The following UBE3D variants were observed in gnomAD, a reference collection of about 807,000 sequenced individuals.
The protein encoded by UBE3D is E3 ubiquitin-protein ligase E3D.
Under a neutral mutation model 49.6 loss-of-function variants are expected in UBE3D, and 48 were observed. That is an observed-to-expected ratio of 0.97 (90% CI 0.77 to 1.23). UBE3D has a LOEUF of 1.23. Among genes scored for constraint, UBE3D ranks in the 50% most tolerant of loss-of-function variants. The pLI is 0.00. For missense variants in UBE3D, 452 were observed against 468.4 expected (o/e 0.96, Z 0.32); for synonymous variants, 189 against 174.2 (o/e 1.08, Z -0.67).
At chr6:83,016,347 A>T (rs578246343) in intron 8 of UBE3D, among the ~76,000 whole-genome samples, 1 of 152,324 alleles carries the variant, frequency 6.6e-6, no homozygotes, top group Admixed American at 6.5e-5. Flanking sequence ...ATGAGCGGTG[A>T]ATCAGGAGTG....
At chr6:82,973,805 C>T (rs1215054968) in intron 8 of UBE3D, among the ~76,000 whole-genome samples, 2 of 152,190 alleles carry the variant, frequency 1.3e-5, no homozygotes, top group Non-Finnish European at 2.9e-5. Flanking sequence ...AATTTACAGC[C>T]ACTCCCCATC....
At chr6:82,893,846 C>T (rs1771115723) in intron 9 of UBE3D, 1 of 152,004 alleles carries the variant, frequency 6.6e-6, no homozygotes, top group East Asian at 1.9e-4. Context: ...TCCTTAAGTC[C>T]CCGAATGCAG....
chr6:82,938,930 C>G, intron 9 of UBE3D, among the ~76,000 whole-genome samples: 1 of 152,078 alleles, frequency 6.6e-6, no homozygotes, highest in East Asian at 1.9e-4. Context: ...ACCTATAATC[C>G]CAGCTACATG....
At chr6:83,031,233 T>G (rs567692697) in intron 5 of UBE3D, among the ~76,000 whole-genome samples, 40 of 152,194 alleles carry the variant, frequency 2.6e-4, no homozygotes, top group Non-Finnish European at 4.1e-4. Context: ...GGTCTTGAAC[T>G]CCTGACGTCA....
intron 9 of UBE3D, 61 bp downstream of exon 9, chr6:82,957,251 T>C: frequency 6.4e-7 from 1 of 1,572,464 alleles, no homozygotes; most frequent in Non-Finnish European, 8.7e-7. Context: ...GAGAGGATCC[T>C]TAAAAAATAA....
chr6:83,022,615 G>A, intron 6 of UBE3D, 54 bp from the exon 7 acceptor site: 4 of 1,323,314 alleles, frequency 3.0e-6, no homozygotes, highest in Non-Finnish European at 4.1e-6. Flanking sequence ...AACTCTAACT[G>A]GCAAGATAAG....
chr6:82,930,171 T>C (rs1242014014), intron 9 of UBE3D, among the ~76,000 whole-genome samples: 1 of 152,186 alleles, frequency 6.6e-6, no homozygotes, highest in Non-Finnish European at 1.5e-5. Flanking sequence ...ATTCTTCTCC[T>C]TGCTGCCACC....
At chr6:82,891,041 A>G (rs1770969830), downstream of UBE3D, among the ~76,000 whole-genome samples, 1 of 152,134 alleles carries the variant, frequency 6.6e-6, no homozygotes, top group Non-Finnish European at 1.5e-5. Context: ...TTCACCACTA[A>G]TGTATTCATT....
chr6:82,893,477 T>C (rs1582258914), intron 9 of UBE3D, among the ~76,000 whole-genome samples: 1 of 152,280 alleles, frequency 6.6e-6, no homozygotes, highest in Middle Eastern at 3.4e-3. Flanking sequence ...TATTGGTTGG[T>C]CAGCAGCAAT....
intron 9 of UBE3D, among the ~76,000 whole-genome samples, chr6:82,931,469 A>T (rs1774147839): frequency 6.6e-6 from 1 of 152,230 alleles, no homozygotes. Flanking sequence ...CCAGCCCAGG[A>T]AAGCAGCCAG....
intron 8 of UBE3D, among the ~76,000 whole-genome samples, chr6:83,006,544 G>A (rs1427018886): frequency 2.6e-5 from 4 of 152,106 alleles, no homozygotes; most frequent in Non-Finnish European, 5.9e-5. Flanking sequence ...AGAGAAAACA[G>A]CCATTTACAA....
downstream of UBE3D, among the ~76,000 whole-genome samples, chr6:82,891,951 C>T (rs986898791): frequency 1.8e-4 from 28 of 152,238 alleles, no homozygotes; most frequent in African/African-American, 5.8e-4. Context: ...CGCTTGAACC[C>T]CAGAGGCGGA....
intron 8 of UBE3D, among the ~76,000 whole-genome samples, chr6:82,969,114 T>C (rs1001676566): frequency 2.0e-5 from 3 of 151,752 alleles, no homozygotes; most frequent in African/African-American, 7.3e-5. Context: ...CCTGGTGATA[T>C]GACTGTTTTA....
intron 9 of UBE3D, among the ~76,000 whole-genome samples, chr6:82,953,350 G>C (rs532916535): frequency 4.6e-5 from 7 of 152,338 alleles, no homozygotes; most frequent in Non-Finnish European, 8.8e-5. Flanking sequence ...CTCTTTCTAA[G>C]GGCTGAACTC....
chr6:82,932,077 T>C (rs1356860838), intron 9 of UBE3D, among the ~76,000 whole-genome samples: 1 of 152,166 alleles, frequency 6.6e-6, no homozygotes, highest in Non-Finnish European at 1.5e-5. Context: ...GCTGTCACCA[T>C]GTGACATGTG....
rs558080856 is a variant in UBE3D, at chr6:82,957,957, A to T, written c.1011-507T>A. Among the ~76,000 whole-genome samples, 18 of 152,336 alleles carry T rather than the reference A, an allele frequency of 1.2e-4. No homozygotes were observed. In the South Asian group the frequency reaches 3.7e-3, roughly 32 times the overall value. On this transcript the variant is annotated intron_variant, in intron 8 of 9. Coordinates refer to ENST00000369747, the MANE Select transcript of UBE3D (RefSeq NM_198920.3). ...GACAGAATCCTTTTGTTAAAAAAAA[A>T]ATCTTGTAACAGCCCCAACTTATAA...
At chr6:82,882,470 G>A in the UBE3D span, among the ~76,000 whole-genome samples, 1 of 152,156 alleles carries the variant, frequency 6.6e-6, no homozygotes, top group African/African-American at 2.4e-5. Flanking sequence ...ACTTTCCCAA[G>A]CTAAAAAAGC....
intron 8 of UBE3D, among the ~76,000 whole-genome samples, chr6:82,974,453 A>G (rs1275371724): frequency 6.6e-6 from 1 of 152,218 alleles, no homozygotes; most frequent in Non-Finnish European, 1.5e-5. Context: ...ATCCTCCCAT[A>G]TAAGACATCT....
At chr6:82,995,294 T>G (rs1582583038) in intron 8 of UBE3D, among the ~76,000 whole-genome samples, 1 of 152,172 alleles carries the variant, frequency 6.6e-6, no homozygotes, top group Non-Finnish European at 1.5e-5. Flanking sequence ...CAGTAAATGA[T>G]TGCGGTAAAA....
Sources: gnomAD v4.1 joint callset for allele counts (sites outside exome capture counted in the v4.1 genomes callset) on GRCh38, gnomAD v4.1.1 for gene constraint, MANE v1.5 for transcripts, NCBI Gene and HGNC (gene_info 2026-07-23, HGNC 2026-07-21) for gene names.